PANK3: variants seen among roughly 807,000 people sequenced by gnomAD.
The protein encoded by PANK3 is pantothenate kinase 3, also known as hPanK3.
PANK3 carries 20 observed loss-of-function variants against 39.4 expected under a neutral mutation model. The observed-to-expected ratio is 0.51, with a 90% CI of 0.36 to 0.74. PANK3 has a LOEUF of 0.74. Ranked by LOEUF, PANK3 falls within the 30% of genes least tolerant of loss-of-function variation. PANK3 has a pLI of 0.00. For missense variants in PANK3, 265 were observed against 437.0 expected (o/e 0.61, Z 3.51); for synonymous variants, 140 against 157.3 (o/e 0.89, Z 0.82).
intron 1 of PANK3, among the ~76,000 whole-genome samples, chr5:168,572,605 G>A (rs2113030227): frequency 6.6e-6 from 1 of 152,110 alleles, no homozygotes; most frequent in South Asian, 2.1e-4. Flanking sequence ...GGGTGGGGGA[G>A]AAACAAATCA....
Position 168,557,473 on chromosome 5 carries a change from T to G in PANK3, c.*98A>C. 1 of 1,089,434 alleles carries G rather than the reference T, an allele frequency of 9.2e-7. No homozygotes were observed. Among genetic ancestry groups the G allele is most frequent in the South Asian group, 1.3e-5 (1 of 74,120 alleles). 67.5% of individuals were successfully genotyped at this position (1,089,434 alleles called of 1,614,324 possible). On this transcript the variant is annotated 3_prime_UTR_variant, in exon 7 of 7. Coordinates refer to ENST00000239231, the MANE Select transcript of PANK3 (RefSeq NM_024594.4). ...CATTCAGCAGCTTATGCTACTCTTTTATCCTTTGGTTCCCAGTGACAAACA... is the reference window on the plus strand; with the variant it reads ...CATTCAGCAGCTTATGCTACTCTTTGATCCTTTGGTTCCCAGTGACAAACA...
intron 1 of PANK3, among the ~76,000 whole-genome samples, chr5:168,570,362 G>A (rs1759607544): frequency 6.7e-6 from 1 of 148,442 alleles, no homozygotes; most frequent in Non-Finnish European, 1.5e-5. Flanking sequence ...TCCAGCCTGG[G>A]CGACGGAGCA....
rs1173882567 is a variant in PANK3 at position 168,566,987 on chromosome 5, G to A, written c.382-721C>T. Among the ~76,000 whole-genome samples the A allele has an allele frequency of 5.9e-5, 9 of 152,026 alleles. No individual in the cohort carries two copies. In the East Asian group the frequency reaches 9.7e-4, roughly 16 times the overall value. ...TCCAGCTCCTAACCTCAAGTGATCCGCCCACCTTGGCTTCCCAAAGTGCTG... is the reference window on the plus strand; with the variant it reads ...TCCAGCTCCTAACCTCAAGTGATCCACCCACCTTGGCTTCCCAAAGTGCTG... On this transcript the variant is annotated intron_variant, in intron 2 of 6. Transcript: ENST00000239231.
Position 168,549,261 on chromosome 5 carries a change from TAAACTA to T in PANK3, c.*8304_*8309del, listed in dbSNP as rs1342427120. On this transcript the variant is annotated 3_prime_UTR_variant, in exon 7 of 7. Transcript: ENST00000239231. Reference sequence around the variant, plus strand: ...CCTTCTGTTTCTAAATGCTGTAAACTAAACTAAAACAGGTTACCCAGAAAAAAGTGG... The same window carrying T: ...CCTTCTGTTTCTAAATGCTGTAAACTAAACAGGTTACCCAGAAAAAAGTGG... 5.3e-5 allele frequency: 8 copies of T among 152,152 alleles called. No homozygotes were observed. The East Asian group carries it at 1.5e-3, about 29-fold the overall frequency. 9.4% of individuals were successfully genotyped at this position (152,152 alleles called of 1,614,324 possible). A position where few individuals can be genotyped will look rare whatever the true frequency, so the allele number is the denominator to read the frequency against.
chr5:168,573,072 C>T (rs1480082386), intron 1 of PANK3, among the ~76,000 whole-genome samples: 1 of 152,034 alleles, frequency 6.6e-6, no homozygotes, highest in African/African-American at 2.4e-5. Context: ...GAAATGTGTT[C>T]GTTCCTTGAG....
intron 3 of PANK3, 145 bp downstream of exon 3, chr5:168,565,868 A>AAATAT: frequency 0.064 from 8,411 of 131,598 alleles, 488 homozygotes; most frequent in Non-Finnish European, 0.079. Context: ...AAAAAAAAAA[A>AAATAT]ATATATATAT....
intron 1 of PANK3, 72 bp from the exon 2 acceptor site, chr5:168,569,070 T>TAA (rs1279272555): frequency 8.6e-6 from 3 of 347,336 alleles, no homozygotes; most frequent in Admixed American, 5.7e-5. Context: ...AAACACAAAT[T>TAA]AAAAACCAGT....
intron 2 of PANK3, among the ~76,000 whole-genome samples, chr5:168,566,693 T>C (rs1295435874): frequency 6.6e-6 from 1 of 152,218 alleles, no homozygotes; most frequent in African/African-American, 2.4e-5. Context: ...TCTGTCTGTG[T>C]ATACAAATAC....
Position 168,550,324 on chromosome 5 carries a change from T to C in PANK3, c.*7247A>G, listed in dbSNP as rs1050260095. ...TTCAGTAGGTTAGGCGTATTAAATG[T>C]ATTTTCAACTTACGGTATTTTCAAT... On this transcript the variant is annotated 3_prime_UTR_variant, in exon 7 of 7. Transcript: ENST00000239231. 4.6e-5 allele frequency: 7 copies of C among 152,252 alleles called. No individual in the cohort carries two copies. The highest frequency in any genetic ancestry group is 1.7e-4 in the African/African-American group (7 of 41,462). The allele number at this position is 152,252 out of a possible 1,614,324, so 9.4% of individuals were successfully genotyped here. A position where few individuals can be genotyped will look rare whatever the true frequency, so the allele number is the denominator to read the frequency against.
rs553404387 is a variant in PANK3 at position 168,556,587 on chromosome 5, C to T, written c.*984G>A. On this transcript the variant is annotated 3_prime_UTR_variant, in exon 7 of 7. Coordinates refer to ENST00000239231, the MANE Select transcript of PANK3 (RefSeq NM_024594.4). ...AGTGGGTTTTGTTGGAAAAAGTGAC[C>T]GTCCTCTAACTGCACCTCTATTTCT... 6.6e-6 allele frequency: 1 copy of T among 152,532 alleles called. No individual in the cohort carries two copies. Among genetic ancestry groups the T allele is most frequent in the Admixed American group, 6.5e-5 (1 of 15,268 alleles). The allele number at this position is 152,532 out of a possible 1,614,324, so 9.4% of individuals were successfully genotyped here. A position where few individuals can be genotyped will look rare whatever the true frequency, so the allele number is the denominator to read the frequency against.
At chr5:168,558,615 G>A (rs1323983823) in intron 6 of PANK3, among the ~76,000 whole-genome samples, 1 of 152,190 alleles carries the variant, frequency 6.6e-6, no homozygotes, top group African/African-American at 2.4e-5. Context: ...GAACTTAACT[G>A]CATGTAGTAA....
At chr5:168,569,805 C>G (rs1429866765) in intron 1 of PANK3, among the ~76,000 whole-genome samples, 1 of 152,114 alleles carries the variant, frequency 6.6e-6, no homozygotes, top group Middle Eastern at 3.2e-3. Flanking sequence ...AATCCCAATA[C>G]TTTGGGAGGC....
At chr5:168,565,989 C>T in intron 3 of PANK3, 24 bp downstream of exon 3, 1 of 1,591,012 alleles carries the variant, frequency 6.3e-7, no homozygotes, top group Non-Finnish European at 8.6e-7. Context: ...GTGAATGCAG[C>T]AATACAACCA....
chr5:168,555,139 T>C lies in PANK3; in HGVS notation c.*2432A>G, dbSNP rs573061331. 6.6e-6 allele frequency: 1 copy of C among 152,340 alleles called. No individual in the cohort carries two copies. The highest frequency in any genetic ancestry group is 1.5e-5 in the Non-Finnish European group (1 of 68,020). 9.4% of individuals were successfully genotyped at this position (152,340 alleles called of 1,614,324 possible). A position where few individuals can be genotyped will look rare whatever the true frequency, so the allele number is the denominator to read the frequency against. On this transcript the variant is annotated 3_prime_UTR_variant, in exon 7 of 7. Transcript: ENST00000239231. ...AATAGATTTGGTTCTAATACCACAA[T>C]TCCTCAAAGCTCTATGTTCTTAACG...
At chr5:168,563,005 G>C (rs1759470748) in intron 4 of PANK3, among the ~76,000 whole-genome samples, 1 of 151,696 alleles carries the variant, frequency 6.6e-6, no homozygotes, top group South Asian at 2.1e-4. Context: ...TAGACATTAG[G>C]GCCTTCTGGA....
intron 1 of PANK3, among the ~76,000 whole-genome samples, chr5:168,575,277 AG>A (rs1352059442): frequency 1.3e-5 from 2 of 152,204 alleles, no homozygotes; most frequent in African/African-American, 4.8e-5. Flanking sequence ...AACTACTACA[AG>A]GATGAAGTGC....
intron 1 of PANK3, among the ~76,000 whole-genome samples, chr5:168,572,192 T>C (rs1467557969): frequency 6.7e-6 from 1 of 149,770 alleles, no homozygotes; most frequent in African/African-American, 2.5e-5. Flanking sequence ...CTGCTAACTG[T>C]AGCCTCCACC....
rs768545471 is a variant in PANK3, at chr5:168,568,658, T to C, written c.369A>G (p.Lys123=). ...ATGGGAYKFE[K]DFRTIGNLHL... is the part of the protein sequence containing the mutation. ...AAAAGATACCTACTGTGCGAAAATC[T>C]TTTTCAAACTTGTAAGCACCACCTC... The change falls in exon 2 of 7, where the codon AAA becomes AAG. Residue 123 remains lysine (K), a synonymous_variant. Coordinates refer to ENST00000239231, the MANE Select transcript of PANK3 (RefSeq NM_024594.4). The C allele has an allele frequency of 5.6e-6, 9 of 1,603,922 alleles. No individual in the cohort carries two copies. The highest frequency in any genetic ancestry group is 8.5e-7 in the Non-Finnish European group (1 of 1,175,148).
intron 3 of PANK3, 127 bp downstream of exon 3, chr5:168,565,886 T>TATATATATA (rs56668677): frequency 1.8e-5 from 3 of 167,856 alleles, no homozygotes; most frequent in African/African-American, 3.1e-5. Context: ...TATATATATA[T>TATATATATA]TTTTTTTTTT....
Sources: gnomAD v4.1 joint callset for allele counts (sites outside exome capture counted in the v4.1 genomes callset) on GRCh38, gnomAD v4.1.1 for gene constraint, MANE v1.5 for transcripts, NCBI Gene and HGNC (gene_info 2026-07-23, HGNC 2026-07-21) for gene names.